MATN2: variants seen among roughly 807,000 people sequenced by gnomAD.
MATN2 encodes matrilin-2.
MATN2 carries 69 observed loss-of-function variants against 103.2 expected under a neutral mutation model. That is an observed-to-expected ratio of 0.67 (90% CI 0.55 to 0.82). The LOEUF (loss-of-function observed/expected upper bound fraction) is 0.82, where lower values mean the gene tolerates loss of function less well. Ranked by LOEUF, MATN2 falls within the 40% of genes least tolerant of loss-of-function variation. The pLI, the probability that MATN2 is intolerant of heterozygous loss-of-function variation, is 0.00. For synonymous variants in MATN2, 429 were observed against 450.2 expected (o/e 0.95, Z 0.60); for missense variants, 1,023 against 1,211.5 (o/e 0.84, Z 2.31).
At chr8:97,903,255 C>T (rs915207044) in intron 2 of MATN2, among the ~76,000 whole-genome samples, 2 of 151,492 alleles carry the variant, frequency 1.3e-5, no homozygotes, top group African/African-American at 4.9e-5. Context: ...CTTTCCTGTA[C>T]CTTTGGAATT....
intron 2 of MATN2, among the ~76,000 whole-genome samples, chr8:97,915,519 A>G (rs887313560): frequency 3.3e-5 from 5 of 152,168 alleles, no homozygotes; most frequent in African/African-American, 1.2e-4. Flanking sequence ...CCTGTTATCT[A>G]ACTGGCCCCT....
Position 98,007,164 on chromosome 8 carries a change from G to T in MATN2, c.1387G>T (p.Asp463Tyr). 3 of 1,613,750 alleles carry T rather than the reference G, an allele frequency of 1.9e-6. No individual in the cohort carries two copies. The highest frequency in any genetic ancestry group is 2.5e-6 in the Non-Finnish European group (3 of 1,179,818). The change falls in exon 9 of 19, where the codon GAT becomes TAT. Residue 463 changes from aspartate to tyrosine, a missense_variant. Asp to Tyr is a radical substitution (Grantham distance 160). Transcript: ENST00000254898. The surrounding 1 kb of genome is among the most constrained non-coding windows in gnomAD (Gnocchi z 4.2). ...GCEQLCLNTEDSFVCQCSEGF... is the reference protein window; with the variant it reads ...GCEQLCLNTEYSFVCQCSEGF... Reference sequence around the variant, plus strand: ...TGAGCAGCTGTGTCTGAACACGGAGGATTCCTTCGTCTGCCAGTGCTCAGA... The same window carrying T: ...TGAGCAGCTGTGTCTGAACACGGAGTATTCCTTCGTCTGCCAGTGCTCAGA...
In MATN2 at chr8:98,030,537, A is replaced by G; in HGVS notation, c.2432A>G (p.Asn811Ser). The change falls in exon 15 of 19, where the codon AAC (asparagine) becomes AGC (serine). Residue 811 changes from asparagine to serine, a missense_variant. Asn to Ser is a conservative substitution (Grantham distance 46, BLOSUM62 1). Coordinates refer to ENST00000254898, the MANE Select transcript of MATN2 (RefSeq NM_002380.5). ...CAAGAGATTGCCTCTGAGCCCACAA[A>G]CAAGCATCTCTTCTATGCCGAAGAC... ...ELQEIASEPT[N>S]KHLFYAEDFS... The G allele has an allele frequency of 6.2e-7, 1 of 1,613,896 alleles. No homozygotes were observed. The highest frequency in any genetic ancestry group is 8.5e-7 in the Non-Finnish European group (1 of 1,179,834).
intron 1 of MATN2, among the ~76,000 whole-genome samples, chr8:97,883,653 C>T (rs180740557): frequency 1.6e-3 from 249 of 151,352 alleles, no homozygotes; most frequent in Middle Eastern, 0.01. Context: ...CCTGGGTTTA[C>T]ACCATTCTCC....
At position 98,030,683 on chromosome 8, in the gene MATN2, G is replaced by A; in HGVS notation, c.2509+69G>A. ...GAACTCCTTTTTTTTTGTTTTTTGA[G>A]ATGGAGTCTCACTCTGTCATCCAGG... On this transcript the variant is annotated intron_variant, in intron 15 of 18. Coordinates refer to ENST00000254898, the MANE Select transcript of MATN2 (RefSeq NM_002380.5). 4 of 1,475,052 alleles carry A rather than the reference G, an allele frequency of 2.7e-6. No homozygotes were observed. In the South Asian group the frequency reaches 5.0e-5, roughly 19 times the overall value. 91.4% of individuals were successfully genotyped at this position (1,475,052 alleles called of 1,614,324 possible).
intron 8 of MATN2, among the ~76,000 whole-genome samples, chr8:98,006,131 G>A (rs1023304718): frequency 4.6e-5 from 7 of 152,184 alleles, no homozygotes; most frequent in African/African-American, 9.7e-5. Context: ...ATTAGCCTTC[G>A]GCACTTGCTG....
chr8:98,027,974 C>A, intron 14 of MATN2, 145 bp downstream of exon 14: 1 of 770,506 alleles, frequency 1.3e-6, no homozygotes, highest in Non-Finnish European at 1.9e-6. Context: ...TCTTTACTAC[C>A]CTGCCACCTA....
intron 5 of MATN2, among the ~76,000 whole-genome samples, chr8:97,967,115 G>T (rs966177744): frequency 6.6e-6 from 1 of 152,124 alleles, no homozygotes; most frequent in Non-Finnish European, 1.5e-5. Context: ...AACTGAGCGA[G>T]AAATCACTTA....
At chr8:98,004,189 G>A (rs1812883688) in intron 8 of MATN2, 1 of 189,174 alleles carries the variant, frequency 5.3e-6, no homozygotes, top group African/African-American at 2.3e-5. Context: ...TCGGGAGGCT[G>A]AAGCAGGAGA....
chr8:97,874,499 G>A (rs1818000819), intron 1 of MATN2, among the ~76,000 whole-genome samples: 1 of 151,330 alleles, frequency 6.6e-6, no homozygotes, highest in Non-Finnish European at 1.5e-5. Flanking sequence ...TCAGTCTCCC[G>A]GGTTTAAGTG....
At chr8:97,890,635 C>G (rs909403351) in intron 2 of MATN2, among the ~76,000 whole-genome samples, 9 of 152,068 alleles carry the variant, frequency 5.9e-5, no homozygotes, top group African/African-American at 2.2e-4. Context: ...AGGGTATGAC[C>G]TTCTCTTCAT....
chr8:97,878,125 T>C (rs1818135694), intron 1 of MATN2, among the ~76,000 whole-genome samples: 1 of 152,248 alleles, frequency 6.6e-6, no homozygotes, highest in Admixed American at 6.5e-5. Flanking sequence ...TTTTCTAAAT[T>C]AACACATTAT....
At position 97,877,463 on chromosome 8, in the gene MATN2, G is replaced by A. The variant is rs1350696549; in HGVS notation, c.-27+8176G>A. Among the ~76,000 whole-genome samples the A allele has an allele frequency of 2.6e-5, 4 of 151,532 alleles. No homozygotes were observed. The East Asian group carries it at 7.9e-4, about 30-fold the overall frequency. On this transcript the variant is annotated intron_variant, in intron 1 of 18. Transcript: ENST00000254898. ...TTGCATTCCAGCCTGAGCAACGAGA[G>A]TGAAACTCAGTCTCAAAAAAAAAAC... is the stretch of plus-strand genomic sequence containing the variant.
chr8:97,988,631 C>T (rs763092454), intron 6 of MATN2, among the ~76,000 whole-genome samples: 9 of 151,698 alleles, frequency 5.9e-5, no homozygotes, highest in Non-Finnish European at 8.8e-5. Context: ...CTCCCCAGAC[C>T]GACCAAAAAC....
chr8:97,879,888 C>T (rs151034729), intron 1 of MATN2, among the ~76,000 whole-genome samples: 1 of 152,152 alleles, frequency 6.6e-6, no homozygotes, highest in African/African-American at 2.4e-5. Flanking sequence ...GGTTGTCTTC[C>T]CATTTGCTAG....
At chr8:97,914,358 C>CTT (rs149996231) in intron 2 of MATN2, among the ~76,000 whole-genome samples, 938 of 52,996 alleles carry the variant, frequency 0.018, 105 homozygotes, top group Non-Finnish European at 0.025. Context: ...AAATCCAGAC[C>CTT]TTTTTTTTTT....
intron 7 of MATN2, among the ~76,000 whole-genome samples, chr8:97,998,408 A>C (rs570558255): frequency 1.4e-5 from 2 of 148,140 alleles, no homozygotes; most frequent in African/African-American, 4.9e-5. Context: ...TGTAGTCCCA[A>C]CTGCTCAGGA....
At chr8:97,898,914 A>AT (rs5893434) in intron 2 of MATN2, among the ~76,000 whole-genome samples, 26 of 150,382 alleles carry the variant, frequency 1.7e-4, no homozygotes, top group African/African-American at 4.6e-4. Context: ...ATATCCAGCA[A>AT]TTTTTTTTTT....
chr8:97,993,532 A>C (rs2130353024), intron 6 of MATN2, among the ~76,000 whole-genome samples: 1 of 152,356 alleles, frequency 6.6e-6, no homozygotes, highest in South Asian at 2.1e-4. Flanking sequence ...AAAAATACAC[A>C]AGTAAAATTT....
Sources: allele counts gnomAD v4.1 joint callset (sites outside exome capture counted in the v4.1 genomes callset), GRCh38; gene constraint gnomAD v4.1.1; non-coding constraint Gnocchi (gnomAD v3.1); transcripts MANE v1.5; gene names NCBI Gene and HGNC (gene_info 2026-07-23, HGNC 2026-07-21).